KLF7: variants seen among roughly 807,000 people sequenced by gnomAD.
The protein encoded by KLF7 is KLF transcription factor 7.
Under a neutral mutation model 27.3 loss-of-function variants are expected in KLF7, and 2 were observed. That is an observed-to-expected ratio of 0.07 (90% CI 0.03 to 0.23). The LOEUF (loss-of-function observed/expected upper bound fraction) is 0.23. Ranked by LOEUF, KLF7 falls within the 10% of genes least tolerant of loss-of-function variation. The pLI, the probability that KLF7 is intolerant of heterozygous loss-of-function variation, is 1.00. For missense variants in KLF7, 221 were observed against 394.1 expected, an observed-to-expected ratio of 0.56 and a Z score of 3.72; for synonymous variants, 165 against 162.4, an observed-to-expected ratio of 1.02 and a Z score of -0.12.
At position 207,145,434 on chromosome 2, in the gene KLF7, G is replaced by A. The variant is rs183771340; in HGVS notation, c.102+20033C>T. Among the ~76,000 whole-genome samples, 14 of 152,300 alleles carry A rather than the reference G, an allele frequency of 9.2e-5. No homozygotes were observed. In the East Asian group the frequency reaches 2.7e-3, roughly 29 times the overall value. Reference sequence around the variant, plus strand: ...TGACAACTTTTTTGCTTAGCAAGATGAAAATTACAGGTAGATACATGGATG... The same window carrying A: ...TGACAACTTTTTTGCTTAGCAAGATAAAAATTACAGGTAGATACATGGATG... On this transcript the variant is annotated intron_variant, in intron 1 of 3. Coordinates refer to ENST00000309446, the MANE Select transcript of KLF7 (RefSeq NM_003709.4).
intron 1 of KLF7, among the ~76,000 whole-genome samples, chr2:207,137,599 A>T (rs1405746694): frequency 6.6e-6 from 1 of 152,218 alleles, no homozygotes; most frequent in African/African-American, 2.4e-5. Context: ...TTAAGAGGGT[A>T]TGGAGTTTGA....
upstream of KLF7, among the ~76,000 whole-genome samples, chr2:207,169,688 T>G (rs914551208): frequency 1.3e-5 from 2 of 152,222 alleles, no homozygotes; most frequent in African/African-American, 2.4e-5. Context: ...GTACCCACTT[T>G]ATGTCTCTGT....
At position 207,124,413 on chromosome 2, in the gene KLF7, G is replaced by A; in HGVS notation, c.103-9C>T. On this transcript the variant is annotated splice_polypyrimidine_tract_variant and intron_variant, in intron 1 of 3. Coordinates refer to ENST00000309446, the MANE Select transcript of KLF7 (RefSeq NM_003709.4). The stretch of plus-strand genomic sequence containing the variant: ...TCCAATTCAAGGCATGTCTGCAAGA[G>A]GAAGAAGGAGGGAGAGAAACAGCCA... The A allele has an allele frequency of 1.3e-6, 2 of 1,540,684 alleles. No homozygotes were observed. The highest frequency in any genetic ancestry group is 1.8e-6 in the Non-Finnish European group (2 of 1,141,126).
intron 2 of KLF7, among the ~76,000 whole-genome samples, chr2:207,114,333 A>G (rs1029353373): frequency 6.6e-6 from 1 of 152,234 alleles, no homozygotes; most frequent in African/African-American, 2.4e-5. Flanking sequence ...TCCTTTCTGC[A>G]ACAGAAGTTC....
chr2:207,089,421 T>C (rs2076460556), intron 2 of KLF7, among the ~76,000 whole-genome samples: 1 of 152,360 alleles, frequency 6.6e-6, no homozygotes, highest in East Asian at 1.9e-4. Context: ...TGGAAGGATA[T>C]GTAAGAGCAA....
At chr2:207,170,510 C>A (rs1030171009), upstream of KLF7, among the ~76,000 whole-genome samples, 40 of 152,296 alleles carry the variant, frequency 2.6e-4, no homozygotes, top group African/African-American at 9.6e-4. Context: ...AAAGAAGATG[C>A]TCTCTAGGAC....
chr2:207,132,897 A>G (rs2106023715), intron 1 of KLF7, among the ~76,000 whole-genome samples: 1 of 152,352 alleles, frequency 6.6e-6, no homozygotes, highest in Middle Eastern at 3.4e-3. Context: ...ATGATGGCCC[A>G]TGCACAGAGA....
chr2:207,143,420 CA>C (rs548713514), intron 1 of KLF7, among the ~76,000 whole-genome samples: 6,128 of 136,586 alleles, frequency 0.045, 152 homozygotes, highest in Middle Eastern at 0.12. Context: ...CTCCATTTAC[CA>C]AAAAAAAAAA....
chr2:207,139,520 T>C (rs1372346692), intron 1 of KLF7, among the ~76,000 whole-genome samples: 4 of 152,156 alleles, frequency 2.6e-5, no homozygotes, highest in African/African-American at 9.7e-5. Context: ...ACCCTGAACT[T>C]TCCACCAAGG....
chr2:207,082,851 C>T (rs1412074953), intron 3 of KLF7, among the ~76,000 whole-genome samples: 1 of 152,154 alleles, frequency 6.6e-6, no homozygotes, highest in Non-Finnish European at 1.5e-5. Context: ...AAAAAATATC[C>T]ACCCTTTCCC....
At chr2:207,098,111 T>TA (rs2076675411) in intron 2 of KLF7, among the ~76,000 whole-genome samples, 1 of 152,054 alleles carries the variant, frequency 6.6e-6, no homozygotes, top group African/African-American at 2.4e-5. Flanking sequence ...ATATTTATTA[T>TA]TTTTTTTAAG....
At chr2:207,141,965 C>A (rs2077954705) in intron 1 of KLF7, among the ~76,000 whole-genome samples, 1 of 151,968 alleles carries the variant, frequency 6.6e-6, no homozygotes, top group Non-Finnish European at 1.5e-5. Context: ...CTGCTCAGCT[C>A]CTCCTGCCCC....
At chr2:207,138,860 G>A (rs1325317023) in intron 1 of KLF7, among the ~76,000 whole-genome samples, 1 of 152,198 alleles carries the variant, frequency 6.6e-6, no homozygotes, top group Non-Finnish European at 1.5e-5. Flanking sequence ...CTTAAATAAG[G>A]AGATATTTCG....
chr2:207,143,129 G>C (rs1246347417), intron 1 of KLF7, among the ~76,000 whole-genome samples: 1 of 151,728 alleles, frequency 6.6e-6, no homozygotes, highest in Non-Finnish European at 1.5e-5. Context: ...ATCAAAATGA[G>C]GACAAAACCC....
At chr2:207,157,530 C>A (rs1424319503) in intron 1 of KLF7, among the ~76,000 whole-genome samples, 1 of 152,174 alleles carries the variant, frequency 6.6e-6, no homozygotes, top group African/African-American at 2.4e-5. Flanking sequence ...GGGGAACTTG[C>A]AAATATTGTG....
upstream of KLF7, among the ~76,000 whole-genome samples, chr2:207,167,743 G>C (rs963470853): frequency 1.3e-5 from 2 of 152,208 alleles, no homozygotes; most frequent in Non-Finnish European, 2.9e-5. Flanking sequence ...ACGACTTTGA[G>C]CGAATTACTG....
chr2:207,130,359 G>A (rs1473289891), intron 1 of KLF7, among the ~76,000 whole-genome samples: 3 of 152,168 alleles, frequency 2.0e-5, no homozygotes, highest in Non-Finnish European at 4.4e-5. Flanking sequence ...CAATTAAACG[G>A]TATTTCCAAA....
At chr2:207,146,564 G>A (rs1372936302) in intron 1 of KLF7, among the ~76,000 whole-genome samples, 4 of 151,954 alleles carry the variant, frequency 2.6e-5, no homozygotes, top group Non-Finnish European at 4.4e-5. Flanking sequence ...TTCTCCTTAG[G>A]GGACCCTTTC....
At chr2:207,086,642 C>T (rs72956375) in intron 3 of KLF7, among the ~76,000 whole-genome samples, 1,921 of 152,326 alleles carry the variant, frequency 0.013, 23 homozygotes, top group Non-Finnish European at 0.021. Flanking sequence ...CATTTCTCCA[C>T]GTAAATCATA....
Sources: allele counts gnomAD v4.1 joint callset (sites outside exome capture counted in the v4.1 genomes callset), GRCh38; gene constraint gnomAD v4.1.1; transcripts MANE v1.5; gene names NCBI Gene and HGNC (gene_info 2026-07-23, HGNC 2026-07-21).